BMPR1B: variants seen among roughly 807,000 people sequenced by gnomAD.
BMPR1B encodes bone morphogenetic protein receptor type-1B.
A neutral mutation model predicts 59.1 loss-of-function variants in BMPR1B; 12 were observed. The observed-to-expected ratio is 0.20, with a 90% CI of 0.13 to 0.33. The LOEUF is 0.33. Among genes scored for constraint, BMPR1B ranks in the 10% least tolerant of loss-of-function variants. BMPR1B has a pLI of 1.00. For missense variants in BMPR1B, 550 were observed against 610.9 expected (o/e 0.90, Z 1.05); for synonymous variants, 237 against 207.3 (o/e 1.14, Z -1.23).
intron 2 of BMPR1B, among the ~76,000 whole-genome samples, chr4:94,971,441 G>A (rs1730788829): frequency 6.6e-6 from 1 of 152,034 alleles, no homozygotes; most frequent in Non-Finnish European, 1.5e-5. Context: ...TAATTGTAGT[G>A]CTAAGTTTCA....
At chr4:95,041,537 T>C (rs1347502873) in intron 3 of BMPR1B, among the ~76,000 whole-genome samples, 1 of 152,126 alleles carries the variant, frequency 6.6e-6, no homozygotes, top group Non-Finnish European at 1.5e-5. Flanking sequence ...CCCTCAGACT[T>C]TCTGGTAGTC....
intron 2 of BMPR1B, among the ~76,000 whole-genome samples, chr4:94,964,842 A>C (rs1560570542): frequency 6.6e-6 from 1 of 152,160 alleles, no homozygotes; most frequent in Non-Finnish European, 1.5e-5. Flanking sequence ...AAACGCTTTC[A>C]GTGTTCCCTT....
At chr4:95,065,573 A>G (rs1727737138) in intron 3 of BMPR1B, among the ~76,000 whole-genome samples, 1 of 152,218 alleles carries the variant, frequency 6.6e-6, no homozygotes, top group Admixed American at 6.5e-5. Context: ...TTTATTCCTT[A>G]GAAGTAAAAT....
chr4:94,827,538 G>A (rs1055290710), intron 1 of BMPR1B, among the ~76,000 whole-genome samples: 1 of 152,148 alleles, frequency 6.6e-6, no homozygotes, highest in Admixed American at 6.6e-5. Flanking sequence ...AGTTAGGCAT[G>A]TGAGCAGACA....
At chr4:94,808,708 C>T (rs17022276) in intron 1 of BMPR1B, among the ~76,000 whole-genome samples, 16,861 of 152,110 alleles carry the variant, frequency 0.11, 1,154 homozygotes, top group African/African-American at 0.2. Flanking sequence ...TGTTTTATTT[C>T]GCCATTGGCC....
intron 1 of BMPR1B, among the ~76,000 whole-genome samples, chr4:94,851,067 A>G (rs1427200741): frequency 6.6e-6 from 1 of 152,032 alleles, no homozygotes; most frequent in Non-Finnish European, 1.5e-5. Flanking sequence ...TTTTCTTCCA[A>G]ATTAGAGAAT....
At chr4:94,775,814 A>G (rs6844958) in intron 1 of BMPR1B, among the ~76,000 whole-genome samples, 132,861 of 152,294 alleles carry the variant, frequency 0.87, 58,229 homozygotes, top group African/African-American at 0.96. Context: ...GCCTTTGGCC[A>G]GATGCAGTGG....
At chr4:94,897,852 T>G (rs1250185093) in intron 2 of BMPR1B, among the ~76,000 whole-genome samples, 1 of 151,890 alleles carries the variant, frequency 6.6e-6, no homozygotes, top group Admixed American at 6.6e-5. Flanking sequence ...TGGGTATATA[T>G]TCTTAGTATT....
chr4:95,115,728 C>A lies in BMPR1B; in HGVS notation c.290C>A (p.Thr97Lys), dbSNP rs151289886. The A allele has an allele frequency of 3.7e-6, 6 of 1,613,512 alleles. No individual in the cohort carries two copies. The highest frequency in any genetic ancestry group is 1.3e-5 in the African/African-American group (1 of 74,816). Residue 97 changes from threonine (T) to lysine (K), a missense_variant, in exon 6 of 13, where the codon ACA (threonine) becomes AAA (lysine). Thr to Lys is a moderately conservative substitution (Grantham distance 78, BLOSUM62 -1). This residue lies in a region of BMPR1B where 24 missense variants were observed against 20.3 expected (regional missense o/e 1.18). Coordinates refer to ENST00000515059, the MANE Select transcript of BMPR1B (RefSeq NM_001203.3). ...CAAAGAAGATCAATTGAATGCTGCA[C>A]AGAAAGGAACGAATGTAATAAAGAC... ...PHQRRSIECC[T>K]ERNECNKDLH...
At chr4:94,938,827 C>G (rs1427667890) in intron 2 of BMPR1B, among the ~76,000 whole-genome samples, 2 of 151,996 alleles carry the variant, frequency 1.3e-5, no homozygotes, top group African/African-American at 4.8e-5. Context: ...GCAACACTGC[C>G]AGACCCTGTG....
At chr4:94,933,971 C>G (rs1729192121) in intron 2 of BMPR1B, among the ~76,000 whole-genome samples, 1 of 152,144 alleles carries the variant, frequency 6.6e-6, no homozygotes, top group Admixed American at 6.6e-5. Flanking sequence ...AAACTTGGCT[C>G]TGTTGTATTT....
intron 3 of BMPR1B, among the ~76,000 whole-genome samples, chr4:95,059,636 A>C (rs953318945): frequency 4.0e-5 from 6 of 151,034 alleles, no homozygotes; most frequent in Non-Finnish European, 5.9e-5. Flanking sequence ...ATGGTAAAAA[A>C]AACAATTTTC....
At chr4:95,129,417 GCAT>G (rs1733144566) in intron 8 of BMPR1B, among the ~76,000 whole-genome samples, 1 of 151,274 alleles carries the variant, frequency 6.6e-6, no homozygotes, top group African/African-American at 2.4e-5. Flanking sequence ...CTTCCTCCCT[GCAT>G]ATAGATTTCC....
chr4:95,053,252 C>A (rs142463355), intron 3 of BMPR1B, among the ~76,000 whole-genome samples: 2 of 146,008 alleles, frequency 1.4e-5, no homozygotes, highest in Non-Finnish European at 3.0e-5. Context: ...TGTAGGGAAC[C>A]TTTTTAAAAA....
intron 1 of BMPR1B, among the ~76,000 whole-genome samples, chr4:94,817,740 G>T (rs1180284385): frequency 6.6e-6 from 1 of 152,174 alleles, no homozygotes; most frequent in African/African-American, 2.4e-5. Flanking sequence ...CAGGGTCAGG[G>T]TGTGGGAAGG....
intron 1 of BMPR1B, among the ~76,000 whole-genome samples, chr4:94,786,186 G>A (rs1722756980): frequency 6.6e-6 from 1 of 152,196 alleles, no homozygotes; most frequent in Non-Finnish European, 1.5e-5. Flanking sequence ...GGAATATAAG[G>A]TTCTGCTGGA....
At chr4:94,855,252 C>G (rs534540017) in intron 1 of BMPR1B, among the ~76,000 whole-genome samples, 2 of 152,256 alleles carry the variant, frequency 1.3e-5, no homozygotes, top group South Asian at 4.1e-4. Context: ...CCTTCTCTCT[C>G]ATTTTAAGTC....
intron 1 of BMPR1B, among the ~76,000 whole-genome samples, chr4:94,779,489 A>G (rs532693136): frequency 1.3e-5 from 2 of 152,300 alleles, no homozygotes; most frequent in Non-Finnish European, 2.9e-5. Context: ...TAACATCACT[A>G]TTAAGAATGA....
chr4:94,873,559 A>G (rs1726589163), intron 1 of BMPR1B, among the ~76,000 whole-genome samples: 1 of 151,982 alleles, frequency 6.6e-6, no homozygotes, highest in African/African-American at 2.4e-5. Flanking sequence ...GGCGTGCGCC[A>G]CCATGCCCAG....
Sources: gnomAD v4.1 joint callset for allele counts (sites outside exome capture counted in the v4.1 genomes callset) on GRCh38, gnomAD v4.1.1 for gene constraint, gnomAD v4.1.1 regional missense constraint, MANE v1.5 for transcripts, NCBI Gene and HGNC (gene_info 2026-07-23, HGNC 2026-07-21) for gene names.